Variants in LIPN observed in about 807,000 individuals in gnomAD.
LIPN encodes the protein lipase member N.
A neutral mutation model predicts 43.7 loss-of-function variants in LIPN; 32 were observed. The ratio of observed to expected loss-of-function variants is 0.73; its 90% CI spans 0.55 to 0.98. The LOEUF is 0.98. Ranked by LOEUF, LIPN falls within the 50% of genes least tolerant of loss-of-function variation. The pLI is 0.00. For missense variants in LIPN, 505 were observed against 483.8 expected, an observed-to-expected ratio of 1.04 and a Z score of -0.41; for synonymous variants, 156 against 157.6, an observed-to-expected ratio of 0.99 and a Z score of 0.08.
At position 88,770,832 on chromosome 10, in the gene LIPN, T is replaced by C. The variant is rs546058338; in HGVS notation, c.673-13T>C. ...TTATCTCATTCAAAGATAATTATTATTTACTTTCATAGGCTGTTTTTGGTA... is the reference window on the plus strand; with the variant it reads ...TTATCTCATTCAAAGATAATTATTACTTACTTTCATAGGCTGTTTTTGGTA... On this transcript the variant is annotated splice_polypyrimidine_tract_variant and intron_variant, in intron 6 of 9. Coordinates refer to ENST00000404459, the MANE Select transcript of LIPN (RefSeq NM_001102469.2). 16 of 1,431,570 alleles carry C rather than the reference T, an allele frequency of 1.1e-5. No individual in the cohort carries two copies. The African/African-American group carries it at 1.4e-4, about 13-fold the overall frequency. 88.7% of individuals were successfully genotyped at this position (1,431,570 alleles called of 1,614,324 possible).
chr10:88,771,946 A>G (rs922666448), intron 7 of LIPN, among the ~76,000 whole-genome samples: 1 of 151,804 alleles, frequency 6.6e-6, no homozygotes, highest in East Asian at 1.9e-4. Flanking sequence ...GATAAAAGCT[A>G]TTTTAACTGG....
chr10:88,770,791 A>G, intron 6 of LIPN, 54 bp from the exon 7 acceptor site: 1 of 1,088,390 alleles, frequency 9.2e-7, no homozygotes, highest in Non-Finnish European at 1.3e-6. Flanking sequence ...TGTAATATGG[A>G]TAGTCTGCAA....
rs139074210 is a variant in LIPN at position 88,774,453 on chromosome 10, A to C, written c.820-20A>C. 9.7e-3 allele frequency: 15,380 copies of C among 1,583,356 alleles called. 165 individuals are homozygous for C. The highest frequency in any genetic ancestry group is 9.5e-3 in the Non-Finnish European group (10,959 of 1,158,092). The stretch of plus-strand genomic sequence containing the variant: ...AATTTTGTTGGGCAATTGCTGTAAT[A>C]TGAGTTTTATCTCCTTTAGAGTCGA... On this transcript the variant is annotated intron_variant, in intron 7 of 9. Transcript: ENST00000404459.
upstream of LIPN, among the ~76,000 whole-genome samples, chr10:88,757,470 G>T (rs972887853): frequency 1.3e-5 from 2 of 152,100 alleles, no homozygotes; most frequent in Non-Finnish European, 2.9e-5. Context: ...AGTTGAGATG[G>T]ATGTGTGTTC....
At position 88,778,323 on chromosome 10, in the gene LIPN, G is replaced by A; in HGVS notation, c.*81G>A. On this transcript the variant is annotated 3_prime_UTR_variant, in exon 10 of 10. Transcript: ENST00000404459. ...AGAAAAAATAGTAACCAACAATGAG[G>A]TTGTCCCCCAGCACCCTGGGGGAGA... 2 of 1,007,664 alleles carry A rather than the reference G, an allele frequency of 2.0e-6. No individual in the cohort carries two copies. The highest frequency in any genetic ancestry group is 2.6e-5 in the East Asian group (1 of 38,378). 62.4% of individuals were successfully genotyped at this position (1,007,664 alleles called of 1,614,324 possible). A position where few individuals can be genotyped will look rare whatever the true frequency, so the allele number is the denominator to read the frequency against.
chr10:88,766,191 A>T, intron 4 of LIPN, 78 bp from the exon 5 acceptor site: 1 of 736,858 alleles, frequency 1.4e-6, no homozygotes, highest in South Asian at 1.6e-5. Context: ...TCTGGGTGTA[A>T]AAAAGAAGTG....
rs1191475273 is a variant in LIPN, at chr10:88,778,208, G to C, written c.1163G>C (p.Ser388Thr). Residue 388 changes from serine to threonine, a missense_variant, in exon 10 of 10, where the codon AGT (serine) becomes ACT (threonine). Coordinates refer to ENST00000404459, the MANE Select transcript of LIPN (RefSeq NM_001102469.2). ...CTCGATGCCCCTCAACGGATGTACA[G>C]TGAAATCATAGCTTTAATGAAGGCA... Reference protein sequence around the residue: ...WGLDAPQRMYSEIIALMKAYS With the variant: ...WGLDAPQRMYTEIIALMKAYS The C allele has an allele frequency of 1.9e-6, 3 of 1,611,830 alleles. No homozygotes were observed. The Admixed American group carries it at 5.0e-5, about 27-fold the overall frequency.
chr10:88,762,979 C>T (rs890452383), intron 3 of LIPN, among the ~76,000 whole-genome samples: 11 of 151,956 alleles, frequency 7.2e-5, no homozygotes, highest in Non-Finnish European at 1.5e-4. Context: ...ATAAGAATAA[C>T]CAAAATATCT....
At chr10:88,773,898 C>T (rs1843251889) in intron 7 of LIPN, among the ~76,000 whole-genome samples, 1 of 151,884 alleles carries the variant, frequency 6.6e-6, no homozygotes, top group Non-Finnish European at 1.5e-5. Context: ...TTTACAAATA[C>T]TGAAATAACC....
chr10:88,774,485 G>A lies in LIPN; in HGVS notation c.832G>A (p.Val278Met). ...KKNMNQSRMD[V>M]YMSHAPTGSS... is the part of the protein sequence containing the mutation. The stretch of plus-strand genomic sequence containing the variant: ...TTATCTCCTTTAGAGTCGAATGGAT[G>A]TGTATATGTCACATGCTCCCACTGG... Residue 278 changes from valine (V) to methionine (M), a missense_variant, in exon 8 of 10, where the codon GTG becomes ATG. Coordinates refer to ENST00000404459, the MANE Select transcript of LIPN (RefSeq NM_001102469.2). The A allele has an allele frequency of 6.2e-7, 1 of 1,609,830 alleles. No homozygotes were observed. The highest frequency in any genetic ancestry group is 8.5e-7 in the Non-Finnish European group (1 of 1,177,012).
Position 88,766,201 on chromosome 10 carries a change from G to T in LIPN, c.426-68G>T, listed in dbSNP as rs1843093300. On this transcript the variant is annotated intron_variant, in intron 4 of 9. Transcript: ENST00000404459. ...TAGAATCTGGGTGTAAAAAAGAAGT[G>T]AGCAAGTGCTCTGAGTTTTAAACTT... The T allele has an allele frequency of 5.2e-6, 4 of 766,458 alleles. No individual in the cohort carries two copies. The Admixed American group carries it at 6.1e-5, about 12-fold the overall frequency. The allele number at this position is 766,458 out of a possible 1,614,324, so 47.5% of individuals were successfully genotyped here.
rs974790773 is a variant in LIPN, at chr10:88,779,039, G to A, written c.*797G>A. On this transcript the variant is annotated 3_prime_UTR_variant, in exon 10 of 10. Transcript: ENST00000404459. ...GACAATAAAAGATTGAGCTAAAGAT[G>A]GAAGCAGAAAGTACTAGGCTAGATA... Among the ~76,000 whole-genome samples the A allele has an allele frequency of 6.6e-6, 1 of 152,114 alleles. No homozygotes were observed. Among genetic ancestry groups the A allele is most frequent in the Non-Finnish European group, 1.5e-5 (1 of 68,014 alleles).
intron 4 of LIPN, among the ~76,000 whole-genome samples, chr10:88,765,112 A>G (rs1303899778): frequency 6.6e-6 from 1 of 152,036 alleles, no homozygotes; most frequent in Admixed American, 6.6e-5. Flanking sequence ...ATTGATTTAG[A>G]GAAACTGAGA....
intron 5 of LIPN, among the ~76,000 whole-genome samples, chr10:88,767,659 A>T (rs1469713539): frequency 8.9e-5 from 2 of 22,542 alleles, no homozygotes; most frequent in Admixed American, 1.1e-3. Flanking sequence ...AAAAAAAAAA[A>T]AAAAAAAAAA....
chr10:88,767,644 CAAAAAAA>C (rs61646268), intron 5 of LIPN, among the ~76,000 whole-genome samples: 5 of 61,484 alleles, frequency 8.1e-5, no homozygotes, highest in African/African-American at 2.6e-4. Context: ...ACTTGATCTG[CAAAAAAA>C]AAAAAAAAAA....
At chr10:88,776,041 C>T (rs985645251) in intron 9 of LIPN, among the ~76,000 whole-genome samples, 2 of 151,936 alleles carry the variant, frequency 1.3e-5, no homozygotes, top group African/African-American at 4.8e-5. Flanking sequence ...GATTTACATA[C>T]AAGAACATTA....
At chr10:88,768,429 A>T (rs1319453211) in intron 5 of LIPN, among the ~76,000 whole-genome samples, 1 of 151,870 alleles carries the variant, frequency 6.6e-6, no homozygotes, top group Non-Finnish European at 1.5e-5. Flanking sequence ...AAACTCTGTG[A>T]TTCATTCTGG....
At chr10:88,776,131 G>A (rs1013887626) in intron 9 of LIPN, among the ~76,000 whole-genome samples, 2 of 151,888 alleles carry the variant, frequency 1.3e-5, no homozygotes, top group Non-Finnish European at 1.5e-5. Flanking sequence ...AATATAGGAC[G>A]TTTATATCAC....
At chr10:88,763,437 A>G (rs1843035816) in intron 3 of LIPN, among the ~76,000 whole-genome samples, 1 of 152,092 alleles carries the variant, frequency 6.6e-6, no homozygotes, top group Admixed American at 6.6e-5. Flanking sequence ...ATAATTTTGG[A>G]AAGATTTAGA....
Sources: allele counts gnomAD v4.1 joint callset (sites outside exome capture counted in the v4.1 genomes callset), GRCh38; gene constraint gnomAD v4.1.1; transcripts MANE v1.5; gene names NCBI Gene and HGNC (gene_info 2026-07-23, HGNC 2026-07-21).